Variants in ARMCX4 observed in about 807,000 individuals in gnomAD.
The protein encoded by ARMCX4 is armadillo repeat containing X-linked 4, also known as armadillo repeat-containing X-linked protein 4.
In ARMCX4, 3 loss-of-function variants were observed where a neutral mutation model predicts 34.7. That is an observed-to-expected ratio of 0.09 (90% CI 0.04 to 0.22). The LOEUF (loss-of-function observed/expected upper bound fraction) is 0.22. Ranked by LOEUF, ARMCX4 falls within the 10% of genes least tolerant of loss-of-function variation. The probability of loss-of-function intolerance (pLI) is 1.00; values close to 1 mark genes in which losing one functional copy is unlikely to be tolerated. For synonymous variants in ARMCX4, 513 were observed against 632.8 expected, an observed-to-expected ratio of 0.81 and a Z score of 2.84; for missense variants, 1,448 against 1,720.8, an observed-to-expected ratio of 0.84 and a Z score of 2.81.
At position 101,489,835 on chromosome X, in the gene ARMCX4, G is replaced by A; in HGVS notation, c.1246G>A (p.Ala416Thr). Reference sequence around the variant, plus strand: ...TACTCACGCTGAGGCCATGTCTGATGCTAAGGTTAAGAACAGAGGCAATCC... The same window carrying A: ...TACTCACGCTGAGGCCATGTCTGATACTAAGGTTAAGAACAGAGGCAATCC... ...ASTHAEAMSD[A>T]KVKNRGNPNA... Residue 416 changes from alanine (A) to threonine (T), a missense_variant, in exon 6 of 6, where the codon GCT becomes ACT. By Grantham distance (58) the Ala-to-Thr change is moderately conservative. Transcript: ENST00000423738. 7.8e-6 allele frequency: 9 copies of A among 1,156,272 alleles called. No individual in the cohort carries two copies. Among genetic ancestry groups the A allele is most frequent in the Non-Finnish European group, 1.0e-5 (9 of 872,991 alleles).
At chrX:101,440,262 G>C (rs1245852631) in intron 2 of ARMCX4, among the ~76,000 whole-genome samples, 2 of 111,708 alleles carry the variant, frequency 1.8e-5, no homozygotes, top group African/African-American at 6.5e-5. Context: ...TGTTTGCCTG[G>C]GTATCAGCAG....
At chrX:101,476,228 G>A (rs782436396) in intron 4 of ARMCX4, among the ~76,000 whole-genome samples, 1 of 108,688 alleles carries the variant, frequency 9.2e-6, no homozygotes, top group East Asian at 2.8e-4. Flanking sequence ...TTCAGGTACT[G>A]GAAATGTAGC....
chrX:101,504,023 G>A (rs1412077851), intron 7 of ARMCX4, among the ~76,000 whole-genome samples: 10 of 111,694 alleles, frequency 9.0e-5, no homozygotes, highest in Admixed American at 3.8e-4. Flanking sequence ...AGTTTTCCCA[G>A]CACCATTTAT....
rs1556010335 is a variant in ARMCX4 at position 101,493,391 on chromosome X, C to G, written c.4802C>G (p.Ser1601Cys). ...ACTGGTGGAGGCTCCAGGCCAGGGTCTGAGGATCAGTCCAGTGGAATAGGT... is the reference window on the plus strand; with the variant it reads ...ACTGGTGGAGGCTCCAGGCCAGGGTGTGAGGATCAGTCCAGTGGAATAGGT... The part of the protein sequence containing the change: ...DQTGGGSRPG[S>C]EDQSSGIGSW... Residue 1601 changes from serine to cysteine, a missense_variant, in exon 6 of 6, where the codon TCT becomes TGT. Physicochemically the swap from Ser to Cys is moderately radical, Grantham distance 112 (BLOSUM62 -1). Around this residue, in one of 2 missense-constraint regions of ARMCX4, gnomAD observed 1,343 missense variants for 1,540.7 expected, o/e 0.87. Transcript: ENST00000423738. The G allele has an allele frequency of 8.7e-7, 1 of 1,154,000 alleles. No individual in the cohort carries two copies. The highest frequency in any genetic ancestry group is 2.6e-5 in the Admixed American group (1 of 38,615).
At chrX:101,433,617 G>A (rs1930466724) in intron 2 of ARMCX4, among the ~76,000 whole-genome samples, 2 of 111,857 alleles carry the variant, frequency 1.8e-5, no homozygotes, top group South Asian at 3.7e-4. Context: ...GATTAAATGA[G>A]AAAATGTCTA....
chrX:101,533,549 G>C (rs782326937), downstream of ARMCX4: 1 of 111,605 alleles, frequency 9.0e-6, no homozygotes, highest in Non-Finnish European at 1.9e-5. Flanking sequence ...CCATTAGAAT[G>C]CACAGTCAAG....
chrX:101,459,557 A>G (rs1465502231), intron 4 of ARMCX4, among the ~76,000 whole-genome samples: 1 of 112,408 alleles, frequency 8.9e-6, no homozygotes, highest in Non-Finnish European at 1.9e-5. Context: ...GGCCAGGACT[A>G]ACATTTGGTG....
chrX:101,422,106 C>T lies in ARMCX4; in HGVS notation n.164+3106C>T, dbSNP rs1035990975. On this transcript the variant is annotated intron_variant and non_coding_transcript_variant, in intron 2 of 3. Coordinates refer to the ARMCX4 transcript ENST00000430461. ...TTTCGGCTCACTGCAACCTCTGCCT[C>T]CCGGGTTCAAGCGATTCTCCTGCCT... is the stretch of plus-strand genomic sequence containing the variant. Among the ~76,000 whole-genome samples, 6 of 107,588 alleles carry T rather than the reference C, an allele frequency of 5.6e-5. No individual in the cohort carries two copies. In the Admixed American group the frequency reaches 6.0e-4, roughly 11 times the overall value. The allele number at this position is 107,588 out of a possible 115,157, so 93.4% of individuals were successfully genotyped here. A position where few individuals can be genotyped will look rare whatever the true frequency, so the allele number is the denominator to read the frequency against.
At chrX:101,427,857 A>G (rs1929727957) in intron 2 of ARMCX4, among the ~76,000 whole-genome samples, 1 of 111,825 alleles carries the variant, frequency 8.9e-6, no homozygotes, top group South Asian at 3.7e-4. Context: ...ACTCACTACC[A>G]TGAGAATGGC....
At chrX:101,423,643 T>A (rs1179141073) in intron 2 of ARMCX4, among the ~76,000 whole-genome samples, 2 of 109,577 alleles carry the variant, frequency 1.8e-5, no homozygotes, top group African/African-American at 3.3e-5. Context: ...AAAATAAAAA[T>A]AAAAAAGTAT....
chrX:101,470,719 T>G (rs2037027852), intron 4 of ARMCX4, among the ~76,000 whole-genome samples: 1 of 112,346 alleles, frequency 8.9e-6, no homozygotes, highest in African/African-American at 3.2e-5. Context: ...TACAACAATT[T>G]ATTTATCCAT....
intron 2 of ARMCX4, among the ~76,000 whole-genome samples, chrX:101,430,327 C>T (rs1929915500): frequency 9.0e-6 from 1 of 111,634 alleles, no homozygotes; most frequent in African/African-American, 3.3e-5. Flanking sequence ...GGAAAGAACA[C>T]TGATATTTGT....
upstream of ARMCX4, among the ~76,000 whole-genome samples, chrX:101,481,148 T>A (rs782766090): frequency 2.7e-5 from 3 of 111,368 alleles, no homozygotes; most frequent in African/African-American, 6.5e-5. Context: ...AAAAGGACAA[T>A]CTTTTGTTGA....
upstream of ARMCX4, among the ~76,000 whole-genome samples, chrX:101,484,213 C>T: frequency 9.0e-6 from 1 of 111,620 alleles, no homozygotes; most frequent in Non-Finnish European, 1.9e-5. Context: ...CCCTCACCAC[C>T]ATCTCCACTG....
chrX:101,487,971 C>A (rs1556007301), intron 4 of ARMCX4, 73 bp from the exon 5 acceptor site: 1 of 555,211 alleles, frequency 1.8e-6, no homozygotes, highest in Admixed American at 3.3e-5. Context: ...AAACTCTCTA[C>A]TCCCATCTGT....
chrX:101,484,748 G>C (rs1240592253), upstream of ARMCX4, among the ~76,000 whole-genome samples: 1 of 112,355 alleles, frequency 8.9e-6, no homozygotes, highest in Non-Finnish European at 1.9e-5. Flanking sequence ...AATTTTGAAA[G>C]CTGTAAAATA....
chrX:101,518,418 A>G (rs1360735493), intron 11 of ARMCX4, among the ~76,000 whole-genome samples: 2 of 111,824 alleles, frequency 1.8e-5, no homozygotes, highest in Middle Eastern at 4.3e-3. Flanking sequence ...ACATTTATAT[A>G]CATTTGGTAA....
intron 2 of ARMCX4, among the ~76,000 whole-genome samples, chrX:101,421,991 G>GTTATTA (rs200537627): frequency 0.074 from 7,161 of 96,284 alleles, 472 homozygotes; most frequent in African/African-American, 0.19. Context: ...TGGGGGATCA[G>GTTATTA]TTATTATTAT....
downstream of ARMCX4, among the ~76,000 whole-genome samples, chrX:101,534,745 A>G (rs1935192296): frequency 9.0e-6 from 1 of 111,432 alleles, no homozygotes; most frequent in Non-Finnish European, 1.9e-5. Context: ...AAATAAAAAC[A>G]GATTTAAGTA....
Sources: gnomAD v4.1 joint callset for allele counts (sites outside exome capture counted in the v4.1 genomes callset) on GRCh38, gnomAD v4.1.1 for gene constraint, gnomAD v4.1.1 regional missense constraint, MANE v1.5 for transcripts, NCBI Gene and HGNC (gene_info 2026-07-23, HGNC 2026-07-21) for gene names.